SHISA9: variants seen among roughly 807,000 people sequenced by gnomAD.
The protein encoded by SHISA9 is protein shisa-9.
A neutral mutation model predicts 38.0 loss-of-function variants in SHISA9; 13 were observed. That is an observed-to-expected ratio of 0.34 (90% confidence interval 0.22 to 0.54). SHISA9 has a LOEUF of 0.54. Among genes scored for constraint, SHISA9 ranks in the 20% least tolerant of loss-of-function variants. The probability of loss-of-function intolerance (pLI) is 0.91; values close to 1 mark genes in which losing one functional copy is unlikely to be tolerated. For missense variants in SHISA9, 538 were observed against 575.8 expected (o/e 0.93, Z 0.67); for synonymous variants, 275 against 242.0 (o/e 1.14, Z -1.27).
chr16:12,939,753 G>T (rs1264335698), intron 2 of SHISA9, among the ~76,000 whole-genome samples: 1 of 152,142 alleles, frequency 6.6e-6, no homozygotes, highest in East Asian at 1.9e-4. Context: ...TCATAGAGAG[G>T]ATAGATGTGA....
At chr16:13,226,680 G>C (rs1272515911) in intron 4 of SHISA9, among the ~76,000 whole-genome samples, 1 of 152,154 alleles carries the variant, frequency 6.6e-6, no homozygotes, top group African/African-American at 2.4e-5. Flanking sequence ...GGGCTGGATT[G>C]GCTCCTCTCA....
At chr16:13,394,928 GGTGTGTGTGTGTGTGT>G in the SHISA9 span, among the ~76,000 whole-genome samples, 15 of 139,402 alleles carry the variant, frequency 1.1e-4, no homozygotes, top group Non-Finnish European at 1.9e-4. Flanking sequence ...CAGTATCTGG[GGTGTGTGTGTGTGTGT>G]GTGTGTGTGT....
At chr16:13,028,604 G>C (rs11863201) in intron 2 of SHISA9, among the ~76,000 whole-genome samples, 6,724 of 152,116 alleles carry the variant, frequency 0.044, 446 homozygotes, top group African/African-American at 0.15. Context: ...TCTCCTACCG[G>C]GTCCCTCCCA....
intron 2 of SHISA9, among the ~76,000 whole-genome samples, chr16:12,972,088 G>C (rs1196397295): frequency 8.5e-6 from 1 of 117,798 alleles, no homozygotes; most frequent in African/African-American, 2.7e-5. Context: ...TGTGTTGAGA[G>C]GGGCAAGTGG....
the SHISA9 span, among the ~76,000 whole-genome samples, chr16:13,420,542 A>G: frequency 1.3e-5 from 2 of 152,138 alleles, no homozygotes; most frequent in South Asian, 2.1e-4. Context: ...GACAGGTTAT[A>G]AAAGTGGGGG....
chr16:13,190,230 C>G lies in SHISA9; in HGVS notation c.692-13164C>G, dbSNP rs185762283. 3.1e-4 allele frequency among the ~76,000 whole-genome samples: 46 copies of G among 149,114 alleles called. No homozygotes were observed. The Middle Eastern group carries it at 0.01, about 33-fold the overall frequency. On this transcript the variant is annotated intron_variant, in intron 2 of 4. Transcript: ENST00000558583. ...TATCTCCCAATGCTATCCCTCCCCCCTCCCCCTACCCCACAACAGTCCCCA... is the reference window on the plus strand; with the variant it reads ...TATCTCCCAATGCTATCCCTCCCCCGTCCCCCTACCCCACAACAGTCCCCA...
At chr16:12,990,220 G>T (rs1047552869) in intron 2 of SHISA9, among the ~76,000 whole-genome samples, 3 of 152,000 alleles carry the variant, frequency 2.0e-5, no homozygotes, top group African/African-American at 7.2e-5. Context: ...TTTGCTATTG[G>T]ATGCATAGTG....
At chr16:13,211,152 C>A (rs2051115321) in intron 3 of SHISA9, among the ~76,000 whole-genome samples, 1 of 151,952 alleles carries the variant, frequency 6.6e-6, no homozygotes, top group African/African-American at 2.4e-5. Context: ...CAAAAATTAG[C>A]CAGGTGTGGT....
chr16:13,080,885 A>G (rs1336792852), intron 2 of SHISA9, among the ~76,000 whole-genome samples: 1 of 152,186 alleles, frequency 6.6e-6, no homozygotes, highest in Non-Finnish European at 1.5e-5. Flanking sequence ...CAGATATGGT[A>G]TCTGGTGGGG....
At chr16:13,519,847 T>C in the SHISA9 span, among the ~76,000 whole-genome samples, 3 of 152,298 alleles carry the variant, frequency 2.0e-5, no homozygotes, top group South Asian at 6.2e-4. Flanking sequence ...ACTACCCCCA[T>C]GATTCAATTA....
rs75215153 is a variant in SHISA9 at position 12,935,339 on chromosome 16, C to T, written c.691+18524C>T. Among the ~76,000 whole-genome samples, 1,034 of 152,312 alleles carry T rather than the reference C, an allele frequency of 6.8e-3. 11 individuals carry two copies. The highest frequency in any genetic ancestry group is 0.023 in the African/African-American group (953 of 41,564). ...GTATCTGTCCAAGTCATTTCCATCC[C>T]TTAGAATTCTACCAACATCTAGATG... On this transcript the variant is annotated intron_variant, in intron 2 of 4. Transcript: ENST00000558583.
rs568993526 is a variant in SHISA9, at chr16:13,033,287, G to A, written c.691+116472G>A. ...ACCTGGACTGAAGGGAGGCGGGAAGGTGGTTCTCCAAAGGAAGTTCAAAGT... is the reference window on the plus strand; with the variant it reads ...ACCTGGACTGAAGGGAGGCGGGAAGATGGTTCTCCAAAGGAAGTTCAAAGT... On this transcript the variant is annotated intron_variant, in intron 2 of 4. Coordinates refer to ENST00000558583, the MANE Select transcript of SHISA9 (RefSeq NM_001145204.3). Among the ~76,000 whole-genome samples, 15 of 152,276 alleles carry A rather than the reference G, an allele frequency of 9.9e-5. No individual in the cohort carries two copies. The South Asian group carries it at 2.7e-3, about 27-fold the overall frequency.
At chr16:13,243,965 G>T (rs35048210), downstream of SHISA9, among the ~76,000 whole-genome samples, 8 of 151,972 alleles carry the variant, frequency 5.3e-5, no homozygotes, top group Non-Finnish European at 1.0e-4. Context: ...TAGAGATGGG[G>T]TTTCACCATG....
intron 2 of SHISA9, among the ~76,000 whole-genome samples, chr16:13,103,273 C>G (rs928361115): frequency 1.3e-5 from 2 of 152,232 alleles, no homozygotes; most frequent in African/African-American, 2.4e-5. Context: ...CTGGGGCGAG[C>G]TGAAAGCCCC....
At chr16:13,009,103 T>A (rs544912215) in intron 2 of SHISA9, among the ~76,000 whole-genome samples, 1 of 152,172 alleles carries the variant, frequency 6.6e-6, no homozygotes, top group South Asian at 2.1e-4. Flanking sequence ...TGTGTATTTT[T>A]TTTTTTTTGA....
At chr16:13,536,229 C>T in the SHISA9 span, among the ~76,000 whole-genome samples, 1,664 of 152,254 alleles carry the variant, frequency 0.011, 25 homozygotes, top group African/African-American at 0.035. Context: ...AAATTCCTGA[C>T]CTCGTGATCC....
the SHISA9 span, among the ~76,000 whole-genome samples, chr16:13,399,268 G>A: frequency 6.6e-6 from 1 of 150,906 alleles, no homozygotes; most frequent in East Asian, 1.9e-4. Context: ...AAAAAAAAAA[G>A]AAGCTAGAAA....
chr16:13,484,425 T>C, the SHISA9 span, among the ~76,000 whole-genome samples: 379 of 152,270 alleles, frequency 2.5e-3, 1 homozygote, highest in African/African-American at 8.5e-3. Context: ...GTACAGGACA[T>C]GGACTTCACA....
chr16:13,015,890 C>CTTTCTTTCTTTTCTTTCTTTCTTTCTT (rs1453292285), intron 2 of SHISA9, among the ~76,000 whole-genome samples: 2 of 117,034 alleles, frequency 1.7e-5, no homozygotes, highest in Non-Finnish European at 3.7e-5. Context: ...TTCTTTCTTT[C>CTTTCTTTCTTTTCTTTCTTTCTTTCTT]TTTCTTTCTT....
Sources: gnomAD v4.1 joint callset for allele counts (sites outside exome capture counted in the v4.1 genomes callset) on GRCh38, gnomAD v4.1.1 for gene constraint, MANE v1.5 for transcripts, NCBI Gene and HGNC (gene_info 2026-07-23, HGNC 2026-07-21) for gene names.